TNIP1: variants seen among roughly 807,000 people sequenced by gnomAD.
The protein encoded by TNIP1 is TNFAIP3 interacting protein 1, also known as TNFAIP3-interacting protein 1.
TNIP1 carries 22 observed loss-of-function variants against 86.6 expected under a neutral mutation model. The observed-to-expected ratio is 0.25, with a 90% CI of 0.18 to 0.36. The LOEUF is 0.36. Ranked by LOEUF, TNIP1 falls within the 10% of genes least tolerant of loss-of-function variation. TNIP1 has a pLI of 1.00. For missense variants in TNIP1, 709 were observed against 820.6 expected (o/e 0.86, Z 1.66); for synonymous variants, 294 against 313.0 (o/e 0.94, Z 0.64).
intron 6 of TNIP1, among the ~76,000 whole-genome samples, 172 bp from the exon 7 acceptor site, chr5:151,052,431 G>A (rs1022413273): frequency 4.6e-5 from 7 of 152,110 alleles, no homozygotes; most frequent in African/African-American, 9.7e-5. Context: ...GGCCACCCAC[G>A]TGTCCTCTCC....
At chr5:151,056,998 C>A (rs745965825) in intron 5 of TNIP1, 41 bp from the exon 6 acceptor site, 8 of 1,383,008 alleles carry the variant, frequency 5.8e-6, no homozygotes, top group Non-Finnish European at 7.5e-6. Flanking sequence ...TTCACCAAGG[C>A]CTGAGTAGGC....
At chr5:151,083,467 G>T (rs893660723), upstream of TNIP1, among the ~76,000 whole-genome samples, 4 of 152,144 alleles carry the variant, frequency 2.6e-5, no homozygotes, top group Admixed American at 6.5e-5. Flanking sequence ...TGGGAGACAG[G>T]CCCCCTAGCC....
intron 1 of TNIP1, 90 bp downstream of exon 1, chr5:151,080,790 G>C (rs1009927344): frequency 6.6e-6 from 1 of 152,248 alleles, no homozygotes; most frequent in African/African-American, 2.4e-5. Context: ...ACCTTCCCCA[G>C]CTCGCTCCCC....
Position 151,030,507 on chromosome 5 carries a change from A to C in TNIP1, c.*206T>G. 1 of 704,342 alleles carries C rather than the reference A, an allele frequency of 1.4e-6. No homozygotes were observed. The highest frequency in any genetic ancestry group is 4.1e-4 in the Middle Eastern group (1 of 2,458). 43.6% of individuals were successfully genotyped at this position (704,342 alleles called of 1,614,324 possible). A position where few individuals can be genotyped will look rare whatever the true frequency, so the allele number is the denominator to read the frequency against. On this transcript the variant is annotated 3_prime_UTR_variant, in exon 18 of 18. Coordinates refer to ENST00000521591, the MANE Select transcript of TNIP1 (RefSeq NM_006058.5). ...AGTTTTTCCCAGTCACTCCCAGCAG[A>C]GTACAAATGAAAGCCTTCTGGGTGG...
At chr5:151,048,089 C>G (rs1226294280) in intron 8 of TNIP1, among the ~76,000 whole-genome samples, 1 of 152,176 alleles carries the variant, frequency 6.6e-6, no homozygotes, top group Non-Finnish European at 1.5e-5. Flanking sequence ...AAGGTCACCC[C>G]CTTTGAGAAA....
At chr5:151,039,049 G>A in intron 12 of TNIP1, 48 bp downstream of exon 12, 1 of 1,588,782 alleles carries the variant, frequency 6.3e-7, no homozygotes, top group Non-Finnish European at 8.6e-7. Flanking sequence ...GGGCATTGCA[G>A]CTGGACTCAA....
upstream of TNIP1, among the ~76,000 whole-genome samples, chr5:151,081,822 C>T (rs1232382992): frequency 3.3e-5 from 5 of 152,182 alleles, no homozygotes; most frequent in Non-Finnish European, 5.9e-5. Context: ...ATAATCCCAA[C>T]AGACTGGGAT....
At chr5:151,035,227 C>CA (rs939149795) in intron 14 of TNIP1, among the ~76,000 whole-genome samples, 160 bp from the exon 15 acceptor site, 1 of 152,232 alleles carries the variant, frequency 6.6e-6, no homozygotes, top group Non-Finnish European at 1.5e-5. Flanking sequence ...GGGCGGAGCA[C>CA]AGCCCAGGCT....
intron 9 of TNIP1, among the ~76,000 whole-genome samples, chr5:151,045,122 T>C (rs1758973796): frequency 6.6e-6 from 1 of 152,146 alleles, no homozygotes; most frequent in Non-Finnish European, 1.5e-5. Context: ...GATGGGGTCT[T>C]GCTCTGTTGC....
chr5:151,040,035 A>G (rs942800565), intron 11 of TNIP1, among the ~76,000 whole-genome samples: 1 of 152,250 alleles, frequency 6.6e-6, no homozygotes, highest in African/African-American at 2.4e-5. Context: ...AAGGCCACAC[A>G]GTGAGCTGGG....
intron 9 of TNIP1, among the ~76,000 whole-genome samples, chr5:151,043,998 A>C (rs948183958): frequency 6.6e-6 from 1 of 152,032 alleles, no homozygotes; most frequent in Admixed American, 6.6e-5. Flanking sequence ...TGCATATGAT[A>C]AAAAAAATTA....
chr5:151,082,009 G>T (rs546394338), upstream of TNIP1, among the ~76,000 whole-genome samples: 1 of 152,162 alleles, frequency 6.6e-6, no homozygotes, highest in Non-Finnish European at 1.5e-5. Flanking sequence ...AAAACCTATT[G>T]CAAAAGACCC....
intron 1 of TNIP1, among the ~76,000 whole-genome samples, chr5:151,070,963 T>C (rs1762758741): frequency 6.6e-6 from 1 of 150,884 alleles, no homozygotes; most frequent in Non-Finnish European, 1.5e-5. Flanking sequence ...TGTAGATTCA[T>C]CAACTGTAAA....
At chr5:151,045,098 AT>A (rs199940816) in intron 9 of TNIP1, among the ~76,000 whole-genome samples, 58 of 147,638 alleles carry the variant, frequency 3.9e-4, no homozygotes, top group Non-Finnish European at 4.8e-4. Flanking sequence ...GTAGGTAGCT[AT>A]TTTTTTTTTT....
intron 17 of TNIP1, 74 bp downstream of exon 17, chr5:151,032,213 C>A (rs1561797053): frequency 3.0e-6 from 4 of 1,341,980 alleles, no homozygotes; most frequent in Non-Finnish European, 4.2e-6. Flanking sequence ...ACATCACCCC[C>A]AAACTCAGGC....
intron 1 of TNIP1, among the ~76,000 whole-genome samples, chr5:151,078,749 A>G (rs565591045): frequency 6.6e-6 from 1 of 152,206 alleles, no homozygotes; most frequent in Non-Finnish European, 1.5e-5. Context: ...ATGAAAGCCT[A>G]AGGATGAGAA....
chr5:151,080,812 G>A (rs2113853372), intron 1 of TNIP1, 68 bp downstream of exon 1: 1 of 152,444 alleles, frequency 6.6e-6, no homozygotes, highest in Middle Eastern at 3.4e-3. Context: ...CCGCCACCGA[G>A]GCTCTGGACG....
intron 11 of TNIP1, among the ~76,000 whole-genome samples, chr5:151,040,400 C>T (rs1447152762): frequency 6.6e-6 from 1 of 152,322 alleles, no homozygotes; most frequent in Middle Eastern, 3.4e-3. Flanking sequence ...TCAGTACGGA[C>T]TGCAGAGGGC....
rs1235671640 is a variant in TNIP1 at position 151,042,639 on chromosome 5, C to A, written c.1035G>T (p.Leu345Phe). 1.2e-6 allele frequency: 2 copies of A among 1,613,872 alleles called. No homozygotes were observed. Among genetic ancestry groups the A allele is most frequent in the Non-Finnish European group, 1.7e-6 (2 of 1,180,028 alleles). ...ITELRQKLAD[L>F]QKQVTDLEAE... ...CCTCCAGGTCAGTCACCTGCTTCTG[C>A]AAATCAGCCAGCTTCTGACGCAGCT... is the stretch of plus-strand genomic sequence containing the variant. The change falls in exon 11 of 18, where the codon TTG becomes TTT. Residue 345 changes from leucine to phenylalanine, a missense_variant. By Grantham distance (22) the Leu-to-Phe change is conservative. Coordinates refer to ENST00000521591, the MANE Select transcript of TNIP1 (RefSeq NM_006058.5).
Sources: allele counts gnomAD v4.1 joint callset (sites outside exome capture counted in the v4.1 genomes callset), GRCh38; gene constraint gnomAD v4.1.1; transcripts MANE v1.5; gene names NCBI Gene and HGNC (gene_info 2026-07-23, HGNC 2026-07-21).